DMBX1: variants seen among roughly 807,000 people sequenced by gnomAD.
DMBX1 encodes the protein diencephalon/mesencephalon homeobox 1, also known as diencephalon/mesencephalon homeobox protein 1.
Under a neutral mutation model 30.4 loss-of-function variants are expected in DMBX1, and 7 were observed. The observed-to-expected ratio is 0.23, with a 90% CI of 0.13 to 0.43. The LOEUF is 0.43. Ranked by LOEUF, DMBX1 falls within the 20% of genes least tolerant of loss-of-function variation. The pLI is 1.00. For missense variants in DMBX1, 460 were observed against 508.5 expected (o/e 0.90, Z 0.92); for synonymous variants, 222 against 214.2 (o/e 1.04, Z -0.32).
intron 2 of DMBX1, among the ~76,000 whole-genome samples, chr1:46,506,496 GC>G (rs1430470358): frequency 2.0e-5 from 3 of 152,230 alleles, no homozygotes; most frequent in Non-Finnish European, 2.9e-5. Flanking sequence ...ATGAGTAAGT[GC>G]CTGAGTAATT....
chr1:46,498,852 C>T (rs1054732229), intron 2 of DMBX1, among the ~76,000 whole-genome samples: 4 of 152,150 alleles, frequency 2.6e-5, no homozygotes, highest in African/African-American at 4.8e-5. Flanking sequence ...GACAAGGGTC[C>T]CTCTATGGCC....
At chr1:46,501,457 T>C (rs963507071) in intron 2 of DMBX1, among the ~76,000 whole-genome samples, 3 of 151,426 alleles carry the variant, frequency 2.0e-5, no homozygotes, top group Non-Finnish European at 4.4e-5. Context: ...ATTTTTTGTA[T>C]TTATTAGTAG....
Position 46,510,720 on chromosome 1 carries a change from C to T in DMBX1, c.333+66C>T. 1.3e-6 allele frequency: 2 copies of T among 1,544,984 alleles called. No individual in the cohort carries two copies. The highest frequency in any genetic ancestry group is 1.7e-6 in the Non-Finnish European group (2 of 1,142,866). ...CCAGCCCATCAGTCTGCCCGCTTGT[C>T]CAGGAGCCAGCATGTCATCCCTGTG... is the stretch of plus-strand genomic sequence containing the variant. On this transcript the variant is annotated intron_variant, in intron 4 of 5. Coordinates refer to ENST00000360032, the MANE Select transcript of DMBX1 (RefSeq NM_172225.2). This position sits in a 1 kb window ranked among gnomAD's most constrained non-coding sequence, Gnocchi z 4.1.
At chr1:46,496,064 GCCC>G (rs986720758) in intron 2 of DMBX1, among the ~76,000 whole-genome samples, 4 of 152,222 alleles carry the variant, frequency 2.6e-5, no homozygotes, top group Non-Finnish European at 5.9e-5. Context: ...GAAGAATCTG[GCCC>G]CTGGCAGGGG....
chr1:46,507,021 A>G lies in DMBX1; in HGVS notation c.11A>G (p.Tyr4Cys), dbSNP rs539861883. MQH[Y>C]GVNGYSLHAM... is the part of the protein sequence containing the mutation. ...TAGGCGGATGCCGCCATGCAGCACT[A>G]CGGGGTGAACGGCTACTCACTGCAC... is the stretch of plus-strand genomic sequence containing the variant. The change falls in exon 3 of 6, where the codon TAC (tyrosine) becomes TGC (cysteine). Residue 4 changes from tyrosine to cysteine, a missense_variant. Tyr to Cys is a radical substitution (Grantham distance 194). This residue lies in a region of DMBX1 where 124 missense variants were observed against 144.0 expected (regional missense o/e 0.86). Transcript: ENST00000360032. 1.2e-6 allele frequency: 2 copies of G among 1,614,172 alleles called. No homozygotes were observed. The highest frequency in any genetic ancestry group is 1.1e-5 in the South Asian group (1 of 91,088).
chr1:46,512,833 A>G lies in DMBX1; in HGVS notation c.*339A>G. The G allele has an allele frequency of 3.3e-6, 1 of 306,704 alleles. No individual in the cohort carries two copies. Among genetic ancestry groups the G allele is most frequent in the Non-Finnish European group, 6.0e-6 (1 of 165,574 alleles). The allele number at this position is 306,704 out of a possible 1,614,324, so 19.0% of individuals were successfully genotyped here. The stretch of plus-strand genomic sequence containing the variant: ...TCTCCCTATCCTTCTGCCCCCTAGT[A>G]AGTCTACGTGTGGAATGTGAGATAT... On this transcript the variant is annotated 3_prime_UTR_variant, in exon 6 of 6. Transcript: ENST00000360032. This position sits in a 1 kb window ranked among gnomAD's most constrained non-coding sequence, Gnocchi z 4.8.
intron 2 of DMBX1, among the ~76,000 whole-genome samples, 97 bp downstream of exon 2, chr1:46,490,880 G>T (rs1242964728): frequency 6.6e-6 from 1 of 152,208 alleles, no homozygotes; most frequent in African/African-American, 2.4e-5. Context: ...GGCGAGGAAC[G>T]GCAGGCTGGG....
Position 46,493,701 on chromosome 1 carries a change from T to G in DMBX1, c.-13+2918T>G, listed in dbSNP as rs1484086353. Among the ~76,000 whole-genome samples the G allele has an allele frequency of 6.6e-6, 1 of 152,240 alleles. No homozygotes were observed. Among genetic ancestry groups the G allele is most frequent in the East Asian group, 1.9e-4 (1 of 5,198 alleles). On this transcript the variant is annotated intron_variant, in intron 2 of 5. Transcript: ENST00000360032. This position sits in a 1 kb window ranked among gnomAD's most constrained non-coding sequence, Gnocchi z 4.1. ...CCGAGGCCACTGGAGCCCACTGGGT[T>G]TCCCGGCCTGTTCCAGCCTCCACAG...
rs762830943 is a variant in DMBX1 at position 46,510,511 on chromosome 1, C to G, written c.190C>G (p.Arg64Gly). 1 of 1,614,072 alleles carries G rather than the reference C, an allele frequency of 6.2e-7. No homozygotes were observed. Among genetic ancestry groups the G allele is most frequent in the Non-Finnish European group, 8.5e-7 (1 of 1,180,018 alleles). Residue 64 changes from arginine to glycine, a missense_variant, in exon 4 of 6, where the codon CGC becomes GGC. Coordinates refer to ENST00000360032, the MANE Select transcript of DMBX1 (RefSeq NM_172225.2). This position sits in a 1 kb window ranked among gnomAD's most constrained non-coding sequence, Gnocchi z 4.1. ...ILEARYGSQH[R>G]KQRRSRTAFT... is the part of the protein sequence containing the mutation. Reference sequence around the variant, plus strand: ...GGAGGCCCGTTATGGTTCCCAGCACCGCAAACAACGTCGCAGCCGCACAGC... The same window carrying G: ...GGAGGCCCGTTATGGTTCCCAGCACGGCAAACAACGTCGCAGCCGCACAGC...
chr1:46,502,667 G>A (rs948121471), intron 2 of DMBX1, among the ~76,000 whole-genome samples: 6 of 152,140 alleles, frequency 3.9e-5, no homozygotes. Flanking sequence ...CAGGAGGACT[G>A]CTTGAGCCCA....
At chr1:46,492,765 A>G (rs1665953385) in intron 2 of DMBX1, among the ~76,000 whole-genome samples, 1 of 152,160 alleles carries the variant, frequency 6.6e-6, no homozygotes, top group South Asian at 2.1e-4. Context: ...ACACACTTTG[A>G]GAAGTCACAC....
rs1240076157 is a variant in DMBX1 at position 46,513,252 on chromosome 1, C to G, written c.*758C>G. 6.6e-6 allele frequency: 1 copy of G among 152,558 alleles called. No individual in the cohort carries two copies. Among genetic ancestry groups the G allele is most frequent in the Non-Finnish European group, 1.5e-5 (1 of 68,342 alleles). 9.5% of individuals were successfully genotyped at this position (152,558 alleles called of 1,614,324 possible). On this transcript the variant is annotated 3_prime_UTR_variant, in exon 6 of 6. Coordinates refer to ENST00000360032, the MANE Select transcript of DMBX1 (RefSeq NM_172225.2). ...TCTCCTTCTATTCCCTTCCTTCTGC[C>G]CTGCCTGCCTCCCTGCACCTGCGGC...
At chr1:46,499,193 C>T (rs541269728) in intron 2 of DMBX1, among the ~76,000 whole-genome samples, 7 of 152,152 alleles carry the variant, frequency 4.6e-5, no homozygotes, top group Admixed American at 4.6e-4. Flanking sequence ...CCTGACACCA[C>T]GCCTGGCTAA....
Position 46,507,294 on chromosome 1 carries a change from T to A in DMBX1, c.154+130T>A, listed in dbSNP as rs1569893352. On this transcript the variant is annotated intron_variant, in intron 3 of 5. Coordinates refer to ENST00000360032, the MANE Select transcript of DMBX1 (RefSeq NM_172225.2). ...GGGGCTCAAAAAGACTCAGGTCACT[T>A]AGCAACACAGAGAGATGTCAATTCA... 12 of 1,189,610 alleles carry A rather than the reference T, an allele frequency of 1.0e-5. No homozygotes were observed. The East Asian group carries it at 3.1e-4, about 30-fold the overall frequency. The allele number at this position is 1,189,610 out of a possible 1,614,324, so 73.7% of individuals were successfully genotyped here. A position where few individuals can be genotyped will look rare whatever the true frequency, so the allele number is the denominator to read the frequency against.
intron 2 of DMBX1, among the ~76,000 whole-genome samples, chr1:46,492,886 CG>C (rs1482129716): frequency 6.6e-6 from 1 of 152,170 alleles, no homozygotes; most frequent in African/African-American, 2.4e-5. Context: ...GCAGACACCC[CG>C]TAGGACAACA....
intron 5 of DMBX1, among the ~76,000 whole-genome samples, chr1:46,511,572 G>A (rs1666372687): frequency 6.6e-6 from 1 of 152,188 alleles, no homozygotes; most frequent in African/African-American, 2.4e-5. Flanking sequence ...CCAGTTGGAT[G>A]TCCCAGTGCA....
At chr1:46,496,300 C>T (rs1465694519) in intron 2 of DMBX1, among the ~76,000 whole-genome samples, 6 of 152,132 alleles carry the variant, frequency 3.9e-5, no homozygotes, top group East Asian at 1.9e-4. Flanking sequence ...AGGGTAGGAT[C>T]GGGATCTCCA....
chr1:46,494,334 C>T (rs1261493062), intron 2 of DMBX1, among the ~76,000 whole-genome samples: 2 of 152,196 alleles, frequency 1.3e-5, no homozygotes, highest in Non-Finnish European at 2.9e-5. Flanking sequence ...TAACTCCAGC[C>T]GCCTGATTTC....
In DMBX1 at chr1:46,512,015, G is replaced by A. The variant is rs1557791135; in HGVS notation, c.683-28G>A. On this transcript the variant is annotated intron_variant, in intron 5 of 5. Coordinates refer to ENST00000360032, the MANE Select transcript of DMBX1 (RefSeq NM_172225.2). The surrounding 1 kb of genome is among the most constrained non-coding windows in gnomAD (Gnocchi z 4.8). ...GCAGACCAATGCCCTTGTCCTGAGG[G>A]CTTTGTTCTTGGGTTCTCTGCTTGC... The A allele has an allele frequency of 6.3e-7, 1 of 1,594,114 alleles. No homozygotes were observed. The highest frequency in any genetic ancestry group is 8.5e-7 in the Non-Finnish European group (1 of 1,172,778).
Sources: gnomAD v4.1 joint callset for allele counts (sites outside exome capture counted in the v4.1 genomes callset) on GRCh38, gnomAD v4.1.1 for gene constraint, gnomAD v4.1.1 regional missense constraint, Gnocchi (gnomAD v3.1) non-coding constraint, MANE v1.5 for transcripts, NCBI Gene and HGNC (gene_info 2026-07-23, HGNC 2026-07-21) for gene names.